Variants in ZNF75D observed in about 807,000 individuals in gnomAD.
The protein encoded by ZNF75D is zinc finger protein 75D, also known as zinc finger protein 75.
A neutral mutation model predicts 33.3 loss-of-function variants in ZNF75D; 33 were observed. That is an observed-to-expected ratio of 0.99 (90% CI 0.75 to 1.32). The LOEUF (loss-of-function observed/expected upper bound fraction) is 1.32, where lower values mean the gene tolerates loss of function less well. Ranked by LOEUF, ZNF75D falls within the 40% of genes most tolerant of loss-of-function variation. ZNF75D has a pLI of 0.00. For synonymous variants in ZNF75D, 113 were observed against 130.6 expected, an observed-to-expected ratio of 0.87 and a Z score of 0.92; for missense variants, 338 against 367.5, an observed-to-expected ratio of 0.92 and a Z score of 0.66.
rs1556420124 is a variant in ZNF75D at position 135,287,727 on chromosome X, T to C, written c.943A>G (p.Met315Val). 2 of 1,211,468 alleles carry C rather than the reference T, an allele frequency of 1.7e-6. No homozygotes were observed. The highest frequency in any genetic ancestry group is 1.1e-6 in the Non-Finnish European group (1 of 894,935). The change falls in exon 7 of 7, where the codon ATG becomes GTG. Residue 315 changes from methionine to valine, a missense_variant. Transcript: ENST00000370766. ...GTATCACCAGGATTTTCCCTGCCCA[T>C]TGTTTTCTGGGCAATTTTCATTCTG... ...KTRMKIAQKT[M>V]GRENPGDTHS...
At chrX:135,249,006 A>AG (rs1193759045) in exon 4 of ZNF75D, 1 of 322,889 alleles carries the variant, frequency 3.1e-6, no homozygotes, top group Non-Finnish European at 6.0e-6. Flanking sequence ...CATCCTCCCC[A>AG]GGGGGCAGAG....
chrX:135,334,258 C>T (rs1024304842), intron 1 of ZNF75D, among the ~76,000 whole-genome samples: 20 of 111,843 alleles, frequency 1.8e-4, no homozygotes, highest in African/African-American at 6.5e-4. Context: ...TGATGCCATT[C>T]CCCCAGGCCA....
At chrX:135,296,238 G>A (rs2084128687) in intron 1 of ZNF75D, among the ~76,000 whole-genome samples, 199 bp from the exon 2 acceptor site, 1 of 111,257 alleles carries the variant, frequency 9.0e-6, no homozygotes, top group African/African-American at 3.3e-5. Context: ...TAATGCTACC[G>A]AGTCTCTAGC....
chrX:135,335,759 A>G (rs1556442241), intron 1 of ZNF75D, among the ~76,000 whole-genome samples: 1 of 111,855 alleles, frequency 8.9e-6, no homozygotes, highest in African/African-American at 3.3e-5. Context: ...ACAGGTATAC[A>G]CAGCTCAATG....
At chrX:135,258,774 G>C (rs185524367) in intron 1 of ZNF75D, among the ~76,000 whole-genome samples, 85 of 111,854 alleles carry the variant, frequency 7.6e-4, no homozygotes, top group Middle Eastern at 9.2e-3. Flanking sequence ...TAGTTTCTTT[G>C]CTGCACAGAA....
At chrX:135,261,248 T>C (rs1173864655) in intron 1 of ZNF75D, among the ~76,000 whole-genome samples, 1 of 112,478 alleles carries the variant, frequency 8.9e-6, no homozygotes, top group African/African-American at 3.2e-5. Flanking sequence ...AAGTGTGATG[T>C]GGTGCTGAGA....
At position 135,287,411 on chromosome X, in the gene ZNF75D, G is replaced by A. The variant is rs782117518; in HGVS notation, c.1259C>T (p.Pro420Leu). ...TTTCCCACACCATGAGCATCTATAT[G>A]GTTTTATTCCTTGATGGGTCATGAA... ...KHFMTHQGIK[P>L]YRCSWCGKSF... The change falls in exon 7 of 7, where the codon CCA becomes CTA. Residue 420 changes from proline to leucine, a missense_variant. Pro to Leu is a moderately conservative substitution (Grantham distance 98). Transcript: ENST00000370766. 4 of 1,209,893 alleles carry A rather than the reference G, an allele frequency of 3.3e-6. No homozygotes were observed. The Admixed American group carries it at 8.7e-5, about 26-fold the overall frequency.
At chrX:135,295,119 A>G (rs2084106482) in intron 2 of ZNF75D, among the ~76,000 whole-genome samples, 1 of 111,677 alleles carries the variant, frequency 9.0e-6, no homozygotes, top group South Asian at 3.7e-4. Context: ...CTGACTTAAC[A>G]TGTCCTCAAA....
chrX:135,336,048 A>G (rs1293294589), intron 1 of ZNF75D, among the ~76,000 whole-genome samples: 1 of 112,276 alleles, frequency 8.9e-6, no homozygotes, highest in Non-Finnish European at 1.9e-5. Context: ...TCCTGTCCCC[A>G]CATAATTCAT....
At chrX:135,325,778 G>A (rs953127065) in intron 1 of ZNF75D, among the ~76,000 whole-genome samples, 1 of 108,938 alleles carries the variant, frequency 9.2e-6, no homozygotes, top group African/African-American at 3.6e-5. Flanking sequence ...CTCCCTGAGA[G>A]GCGCCACCCC....
At position 135,280,388 on chromosome X, in the gene ZNF75D, C is replaced by T. The variant is rs146030484; in HGVS notation, n.828-24611G>A. Among the ~76,000 whole-genome samples the T allele has an allele frequency of 5.5e-3, 620 of 111,772 alleles. 3 individuals are homozygous for T. The highest frequency in any genetic ancestry group is 0.019 in the African/African-American group (580 of 30,751). ...TCTTGAGCCTATGTGTGTCTTTGCA[C>T]GTGAGATGGGTCTCCTGAATACAGT... is the stretch of plus-strand genomic sequence containing the variant. On this transcript the variant is annotated intron_variant and non_coding_transcript_variant, in intron 1 of 3. Coordinates refer to the ZNF75D transcript ENST00000494295.
At chrX:135,333,844 T>A (rs1237996359) in intron 1 of ZNF75D, among the ~76,000 whole-genome samples, 3 of 111,895 alleles carry the variant, frequency 2.7e-5, no homozygotes, top group African/African-American at 9.7e-5. Context: ...GATATAATTA[T>A]GGAATTGCAG....
chrX:135,249,160 G>A (rs782235204), exon 4 of ZNF75D: 26 of 323,197 alleles, frequency 8.0e-5, no homozygotes, highest in African/African-American at 6.2e-4. Context: ...CACCGATTTA[G>A]AGGCCAGGCT....
chrX:135,294,229 C>A lies in ZNF75D; in HGVS notation c.-89G>T. 2 of 783,897 alleles carry A rather than the reference C, an allele frequency of 2.6e-6. No individual in the cohort carries two copies. The highest frequency in any genetic ancestry group is 3.6e-6 in the Non-Finnish European group (2 of 548,177). 64.6% of individuals were successfully genotyped at this position (783,897 alleles called of 1,213,427 possible). ...AAATCAGGGTGCATCAGGTTGGTAC[C>A]AAATCAATGAATTGTTCTTCCCAAG... is the stretch of plus-strand genomic sequence containing the variant. On this transcript the variant is annotated 5_prime_UTR_variant, in exon 3 of 7. Transcript: ENST00000370766.
At chrX:135,294,508 G>GT (rs372815241) in intron 2 of ZNF75D, among the ~76,000 whole-genome samples, 37 of 104,507 alleles carry the variant, frequency 3.5e-4, no homozygotes, top group Middle Eastern at 4.9e-3. Context: ...TGTATTTCCT[G>GT]TTTTTTTTTT....
At chrX:135,284,134 G>A (rs782431316), downstream of ZNF75D, among the ~76,000 whole-genome samples, 5 of 111,503 alleles carry the variant, frequency 4.5e-5, no homozygotes, top group African/African-American at 1.3e-4. Context: ...TCAAGAATTG[G>A]AGCATTCTGC....
intron 1 of ZNF75D, among the ~76,000 whole-genome samples, chrX:135,305,319 C>G (rs782069234): frequency 1.8e-4 from 20 of 111,877 alleles, no homozygotes; most frequent in African/African-American, 6.5e-4. Context: ...GCACTTTCTA[C>G]TCATAAGTGT....
At chrX:135,329,688 T>A (rs1331476790) in intron 1 of ZNF75D, among the ~76,000 whole-genome samples, 1 of 112,010 alleles carries the variant, frequency 8.9e-6, no homozygotes, top group Non-Finnish European at 1.9e-5. Flanking sequence ...TTGACAAAAA[T>A]GTAAGGTAGA....
chrX:135,299,065 G>T (rs1456572832), intron 1 of ZNF75D, among the ~76,000 whole-genome samples: 1 of 111,558 alleles, frequency 9.0e-6, no homozygotes, highest in Non-Finnish European at 1.9e-5. Context: ...TTCAATTTTT[G>T]ACCATTATGT....
Sources: allele counts gnomAD v4.1 joint callset (sites outside exome capture counted in the v4.1 genomes callset), GRCh38; gene constraint gnomAD v4.1.1; transcripts MANE v1.5; gene names NCBI Gene and HGNC (gene_info 2026-07-23, HGNC 2026-07-21).